The following DMRT1 variants were observed in gnomAD, a reference collection of about 807,000 sequenced individuals.
DMRT1 encodes the protein doublesex and mab-3 related transcription factor 1, also known as doublesex- and mab-3-related transcription factor 1.
Under a neutral mutation model 32.3 loss-of-function variants are expected in DMRT1, and 7 were observed. The ratio of observed to expected loss-of-function variants is 0.22; its 90% CI spans 0.12 to 0.41. The LOEUF (loss-of-function observed/expected upper bound fraction) is 0.41, where lower values mean the gene tolerates loss of function less well. Ranked by LOEUF, DMRT1 falls within the 10% of genes least tolerant of loss-of-function variation. The pLI is 1.00. For missense variants in DMRT1, 625 were observed against 500.5 expected (o/e 1.25, Z -2.37); for synonymous variants, 278 against 206.1 (o/e 1.35, Z -2.99).
At chr9:900,477 G>C (rs962346257) in intron 3 of DMRT1, among the ~76,000 whole-genome samples, 4 of 152,226 alleles carry the variant, frequency 2.6e-5, no homozygotes, top group African/African-American at 9.6e-5. Flanking sequence ...TATCTGCTGT[G>C]TGGGGGTGGC....
At chr9:910,368 T>C (rs1200842647) in intron 3 of DMRT1, among the ~76,000 whole-genome samples, 1 of 152,186 alleles carries the variant, frequency 6.6e-6, no homozygotes, top group Non-Finnish European at 1.5e-5. Flanking sequence ...TCCAGTTTTA[T>C]GCAGCCATGC....
At chr9:950,736 A>G (rs1259399241) in intron 4 of DMRT1, among the ~76,000 whole-genome samples, 1 of 152,146 alleles carries the variant, frequency 6.6e-6, no homozygotes, top group Non-Finnish European at 1.5e-5. Flanking sequence ...TTTCCCCAGC[A>G]TCTCCTAGCC....
In DMRT1 at chr9:879,977, C is replaced by G. The variant is rs144908751; in HGVS notation, c.539-13935C>G. ...AATCTTCAAGTTTGGAAGCTGTCAT[C>G]CACATAGTGGGGGGCCATAAATTTT... On this transcript the variant is annotated intron_variant, in intron 2 of 4. Coordinates refer to ENST00000382276, the MANE Select transcript of DMRT1 (RefSeq NM_021951.3). Among the ~76,000 whole-genome samples, 3 of 152,346 alleles carry G rather than the reference C, an allele frequency of 2.0e-5. No homozygotes were observed. The East Asian group carries it at 5.8e-4, about 29-fold the overall frequency.
At chr9:871,576 C>T (rs796085948) in intron 2 of DMRT1, among the ~76,000 whole-genome samples, 46 of 143,490 alleles carry the variant, frequency 3.2e-4, no homozygotes, top group African/African-American at 1.2e-3. Context: ...CTCCTGACCT[C>T]GTGATCCGCC....
chr9:921,008 T>C (rs958774293), intron 4 of DMRT1, among the ~76,000 whole-genome samples: 3 of 152,236 alleles, frequency 2.0e-5, no homozygotes, highest in African/African-American at 7.2e-5. Context: ...TAGTAGCCTA[T>C]TTTTTATTGA....
chr9:906,303 C>T (rs1245438277), intron 3 of DMRT1, among the ~76,000 whole-genome samples: 1 of 152,158 alleles, frequency 6.6e-6, no homozygotes, highest in Admixed American at 6.5e-5. Flanking sequence ...CCCCAGACAG[C>T]CTCACGTTGC....
chr9:924,071 T>TC (rs144522926), intron 4 of DMRT1, among the ~76,000 whole-genome samples: 119 of 44,492 alleles, frequency 2.7e-3, no homozygotes, highest in Non-Finnish European at 8.5e-3. Flanking sequence ...GATCAATCTC[T>TC]TTTTTTTTTT....
intron 2 of DMRT1, among the ~76,000 whole-genome samples, chr9:862,786 A>C (rs1175135845): frequency 6.6e-6 from 1 of 152,146 alleles, no homozygotes; most frequent in African/African-American, 2.4e-5. Context: ...GCTACAGCGC[A>C]GCCAGCACTA....
chr9:845,836 G>C (rs1302078496), intron 1 of DMRT1, among the ~76,000 whole-genome samples: 2 of 152,016 alleles, frequency 1.3e-5, no homozygotes, highest in African/African-American at 4.8e-5. Context: ...CTTCATCCTT[G>C]CCTGTCCAAG....
In DMRT1 at chr9:925,531, G is replaced by A. The variant is rs192128450; in HGVS notation, c.967+8624G>A. Among the ~76,000 whole-genome samples, 12 of 152,364 alleles carry A rather than the reference G, an allele frequency of 7.9e-5. No individual in the cohort carries two copies. The East Asian group carries it at 9.6e-4, about 12-fold the overall frequency. On this transcript the variant is annotated intron_variant, in intron 4 of 4. Transcript: ENST00000382276. ...AGGATGGGTGTGCAGGCAGAGCGCC[G>A]TGACTTCCTCTAAGCCTTGTTGCTA...
chr9:865,506 A>C (rs1032696412), intron 2 of DMRT1, among the ~76,000 whole-genome samples: 10 of 152,200 alleles, frequency 6.6e-5, no homozygotes, highest in African/African-American at 2.2e-4. Flanking sequence ...ACCTTTGTAC[A>C]CTGTGATGAA....
chr9:913,911 G>A (rs1481468838), intron 3 of DMRT1, among the ~76,000 whole-genome samples: 1 of 151,966 alleles, frequency 6.6e-6, no homozygotes, highest in South Asian at 2.1e-4. Flanking sequence ...TTTTTTAAAG[G>A]GTTTCCTTTG....
chr9:950,856 T>C (rs1385281915), intron 4 of DMRT1, among the ~76,000 whole-genome samples: 2 of 152,248 alleles, frequency 1.3e-5, no homozygotes, highest in African/African-American at 2.4e-5. Context: ...TGTCTTTTTC[T>C]ATCACTTTTT....
chr9:947,479 T>G (rs1327249443), intron 4 of DMRT1, among the ~76,000 whole-genome samples: 1 of 152,218 alleles, frequency 6.6e-6, no homozygotes, highest in African/African-American at 2.4e-5. Flanking sequence ...TTATCCTCTC[T>G]TGTTTTGTAC....
intron 3 of DMRT1, among the ~76,000 whole-genome samples, chr9:908,652 A>C (rs1454094946): frequency 6.6e-6 from 1 of 150,942 alleles, no homozygotes; most frequent in Non-Finnish European, 1.5e-5. Flanking sequence ...CTGTAATACA[A>C]ACTTTCCTTT....
At chr9:944,072 C>G (rs10977674) in intron 4 of DMRT1, among the ~76,000 whole-genome samples, 11,896 of 152,240 alleles carry the variant, frequency 0.078, 1,539 homozygotes, top group African/African-American at 0.27. Flanking sequence ...ATTTCTTCCC[C>G]TCTCTAAACC....
chr9:875,555 A>G (rs571203877), intron 2 of DMRT1, among the ~76,000 whole-genome samples: 1 of 152,334 alleles, frequency 6.6e-6, no homozygotes, highest in African/African-American at 2.4e-5. Flanking sequence ...ATTCTGTACA[A>G]TGAAGATCAC....
At chr9:900,752 G>A (rs1035774856) in intron 3 of DMRT1, among the ~76,000 whole-genome samples, 12 of 151,084 alleles carry the variant, frequency 7.9e-5, no homozygotes, top group East Asian at 1.9e-4. Context: ...TAGTGCAATC[G>A]TAGCTCACTG....
At chr9:916,176 G>A (rs1245354753) in intron 3 of DMRT1, among the ~76,000 whole-genome samples, 1 of 152,188 alleles carries the variant, frequency 6.6e-6, no homozygotes, top group Non-Finnish European at 1.5e-5. Flanking sequence ...AGCAGATTGT[G>A]TTGTCCCCTC....
Sources: allele counts gnomAD v4.1 joint callset (sites outside exome capture counted in the v4.1 genomes callset), GRCh38; gene constraint gnomAD v4.1.1; transcripts MANE v1.5; gene names NCBI Gene and HGNC (gene_info 2026-07-23, HGNC 2026-07-21).